INSR: variants seen among roughly 807,000 people sequenced by gnomAD.
INSR encodes the protein IR.
A neutral mutation model predicts 142.6 loss-of-function variants in INSR; 67 were observed. That is an observed-to-expected ratio of 0.47 (90% CI 0.39 to 0.58). INSR has a LOEUF of 0.58. INSR is among the 20% of genes least tolerant of loss of function. The probability of loss-of-function intolerance (pLI) is 0.00; values close to 1 mark genes in which losing one functional copy is unlikely to be tolerated. For missense variants in INSR, 1,248 were observed against 1,833.2 expected, an observed-to-expected ratio of 0.68 and a Z score of 5.83; for synonymous variants, 756 against 743.1, an observed-to-expected ratio of 1.02 and a Z score of -0.28.
At chr19:7,222,273 G>T (rs1256189388) in intron 2 of INSR, among the ~76,000 whole-genome samples, 1 of 152,092 alleles carries the variant, frequency 6.6e-6, no homozygotes, top group Admixed American at 6.6e-5. Flanking sequence ...GAAATTCCTG[G>T]CCTCTGATGA....
intron 1 of INSR, among the ~76,000 whole-genome samples, chr19:7,284,688 C>A (rs1036766969): frequency 6.6e-6 from 1 of 152,094 alleles, no homozygotes; most frequent in African/African-American, 2.4e-5. Flanking sequence ...GCCACCACAC[C>A]TGGCTAATTT....
chr19:7,211,229 G>A (rs1047010651), intron 2 of INSR, among the ~76,000 whole-genome samples: 1 of 152,160 alleles, frequency 6.6e-6, no homozygotes, highest in Non-Finnish European at 1.5e-5. Context: ...ACCATGCCCA[G>A]CTAATTTTTA....
rs77157415 is a variant in INSR at position 7,234,719 on chromosome 19, A to G, written c.652+32626T>C. Among the ~76,000 whole-genome samples, 745 of 152,272 alleles carry G rather than the reference A, an allele frequency of 4.9e-3. 8 individuals are homozygous for G. Among genetic ancestry groups the G allele is most frequent in the Non-Finnish European group, 8.8e-3 (599 of 68,034 alleles). On this transcript the variant is annotated intron_variant, in intron 2 of 21. Transcript: ENST00000302850. ...AGGAGATTTCAAAACACTGCTTTTC[A>G]TATCCTCCCATCATGAAAACAAGGG...
chr19:7,247,611 G>T (rs770789639), intron 2 of INSR, among the ~76,000 whole-genome samples: 3 of 152,104 alleles, frequency 2.0e-5, no homozygotes, highest in Non-Finnish European at 4.4e-5. Context: ...TCGAAAGAGG[G>T]GATATACCAG....
At chr19:7,131,582 G>C (rs908133465) in intron 14 of INSR, among the ~76,000 whole-genome samples, 8 of 149,996 alleles carry the variant, frequency 5.3e-5, no homozygotes, top group Non-Finnish European at 1.0e-4. Context: ...TCCTGACCTT[G>C]TGATCTGCCC....
At chr19:7,247,688 G>C (rs1345005066) in intron 2 of INSR, among the ~76,000 whole-genome samples, 2 of 152,134 alleles carry the variant, frequency 1.3e-5, no homozygotes, top group African/African-American at 4.8e-5. Flanking sequence ...AGAAAAAACA[G>C]ACATTCAGAA....
intron 2 of INSR, among the ~76,000 whole-genome samples, chr19:7,242,979 C>G (rs143083726): frequency 7.7e-4 from 117 of 152,074 alleles, no homozygotes; most frequent in African/African-American, 2.7e-3. Flanking sequence ...ATTCTTAGAG[C>G]CATGTTAGCA....
At position 7,148,079 on chromosome 19, in the gene INSR, A is replaced by C. The variant is rs371743434; in HGVS notation, c.2267+2418T>G. ...CAGGCGTGCATCATCATGCCCGGCT[A>C]ATTTTTGTATTTTTAGTAGAGACGG... On this transcript the variant is annotated intron_variant, in intron 11 of 21. Transcript: ENST00000302850. Among the ~76,000 whole-genome samples the C allele has an allele frequency of 2.0e-5, 3 of 151,880 alleles. No individual in the cohort carries two copies. In the East Asian group the frequency reaches 5.8e-4, roughly 29 times the overall value.
At chr19:7,230,530 G>C (rs1975937975) in intron 2 of INSR, among the ~76,000 whole-genome samples, 1 of 152,188 alleles carries the variant, frequency 6.6e-6, no homozygotes. Flanking sequence ...ACCTTGGCTG[G>C]GTGAGGTGCT....
chr19:7,134,011 A>G (rs1230245942), intron 13 of INSR, among the ~76,000 whole-genome samples: 1 of 152,170 alleles, frequency 6.6e-6, no homozygotes, highest in Non-Finnish European at 1.5e-5. Flanking sequence ...CCGAGATCTC[A>G]TAGCTGCAAA....
intron 14 of INSR, among the ~76,000 whole-genome samples, chr19:7,129,584 G>T (rs372116093): frequency 9.9e-5 from 15 of 152,080 alleles, no homozygotes; most frequent in Non-Finnish European, 1.8e-4. Flanking sequence ...CTCAGCCTCC[G>T]AAAGTACTGG....
At chr19:7,152,410 A>G (rs1460540647) in intron 10 of INSR, 4 of 388,594 alleles carry the variant, frequency 1.0e-5, no homozygotes, top group African/African-American at 8.3e-5. Context: ...AGAGAGAAAA[A>G]AAAAAATGTT....
intron 2 of INSR, among the ~76,000 whole-genome samples, chr19:7,209,425 T>C (rs1220536876): frequency 6.6e-6 from 1 of 152,066 alleles, no homozygotes; most frequent in Non-Finnish European, 1.5e-5. Context: ...ATAAAAGTCA[T>C]GTTTTGTTTT....
At position 7,172,366 on chromosome 19, in the gene INSR, G is replaced by A. The variant is rs1395670096; in HGVS notation, c.1192C>T (p.Arg398Cys). ...AGTGACACCAGAGCGTAGGATCGGC[G>A]GATTTTTAGATACCCTGAAATTTCT... ...IEEISGYLKI[R>C]RSYALVSLSF... Residue 398 changes from arginine (R) to cysteine (C), a missense_variant, in exon 5 of 22, where the codon CGC (arginine) becomes TGC (cysteine). By Grantham distance (180) the Arg-to-Cys change is radical (BLOSUM62 -3). Transcript: ENST00000302850. The A allele has an allele frequency of 1.1e-5, 17 of 1,613,956 alleles. No homozygotes were observed. The highest frequency in any genetic ancestry group is 1.3e-5 in the African/African-American group (1 of 74,902).
chr19:7,164,654 C>CAAA (rs539037803), intron 8 of INSR, among the ~76,000 whole-genome samples: 19 of 75,988 alleles, frequency 2.5e-4, no homozygotes, highest in Non-Finnish European at 3.2e-4. Context: ...CTTGTCTCTA[C>CAAA]AAAAAAAAAA....
chr19:7,188,889 A>G (rs1032785338), intron 2 of INSR, among the ~76,000 whole-genome samples: 1 of 151,616 alleles, frequency 6.6e-6, no homozygotes, highest in Non-Finnish European at 1.5e-5. Flanking sequence ...AAAAAAAAAA[A>G]AAAAGGGAGG....
chr19:7,245,637 G>A (rs1320480095), intron 2 of INSR, among the ~76,000 whole-genome samples: 4 of 151,828 alleles, frequency 2.6e-5, no homozygotes, highest in Non-Finnish European at 4.4e-5. Flanking sequence ...ATAGTAGCGG[G>A]GTTTCACTGT....
intron 2 of INSR, among the ~76,000 whole-genome samples, chr19:7,263,292 G>T (rs1199717945): frequency 1.3e-5 from 2 of 151,274 alleles, no homozygotes; most frequent in Admixed American, 6.6e-5. Context: ...AAAAAAAAAA[G>T]TTAAGATGAA....
At chr19:7,180,233 A>C (rs1409637563) in intron 3 of INSR, among the ~76,000 whole-genome samples, 6 of 152,166 alleles carry the variant, frequency 3.9e-5, no homozygotes, top group Non-Finnish European at 7.3e-5. Context: ...GAGAGTGAAT[A>C]AATTGACAAC....
Sources: allele counts gnomAD v4.1 joint callset (sites outside exome capture counted in the v4.1 genomes callset), GRCh38; gene constraint gnomAD v4.1.1; transcripts MANE v1.5; gene names NCBI Gene and HGNC (gene_info 2026-07-23, HGNC 2026-07-21).